Variants in ZNF423 observed in about 807,000 individuals in gnomAD.
ZNF423 encodes the protein zinc finger protein 423.
In ZNF423, 12 loss-of-function variants were observed where a neutral mutation model predicts 95.8. The ratio of observed to expected loss-of-function variants is 0.13; its 90% CI spans 0.08 to 0.20. The LOEUF (loss-of-function observed/expected upper bound fraction) is 0.20, where lower values mean the gene tolerates loss of function less well. Ranked by LOEUF, ZNF423 falls within the 10% of genes least tolerant of loss-of-function variation. ZNF423 has a pLI of 1.00. For missense variants in ZNF423, 1,316 were observed against 1,737.1 expected (o/e 0.76, Z 4.31); for synonymous variants, 749 against 711.9 (o/e 1.05, Z -0.83).
intron 5 of ZNF423, among the ~76,000 whole-genome samples, chr16:49,607,109 A>G (rs1971563531): frequency 7.0e-6 from 1 of 143,028 alleles, no homozygotes. Flanking sequence ...TTGACAGTTG[A>G]GAGAGTCAGA....
chr16:49,639,191 G>T lies in ZNF423; in HGVS notation c.302-317C>A, dbSNP rs187935760. 3.1e-3 allele frequency among the ~76,000 whole-genome samples: 476 copies of T among 152,276 alleles called. 11 individuals carry two copies. The highest frequency in any genetic ancestry group is 7.2e-4 in the Non-Finnish European group (49 of 68,030). Reference sequence around the variant, plus strand: ...CCACTTTCCTGATAGGGAAAGGAGGGGCAGCCTGGACAAAGTCACTGGAAA... The same window carrying T: ...CCACTTTCCTGATAGGGAAAGGAGGTGCAGCCTGGACAAAGTCACTGGAAA... On this transcript the variant is annotated intron_variant, in intron 3 of 7. Transcript: ENST00000563137.
Position 49,604,453 on chromosome 16 carries a change from C to T in ZNF423, c.3601+21717G>A, listed in dbSNP as rs553338916. 3.3e-5 allele frequency among the ~76,000 whole-genome samples: 5 copies of T among 152,178 alleles called. No individual in the cohort carries two copies. In the South Asian group the frequency reaches 6.2e-4, roughly 19 times the overall value. Reference sequence around the variant, plus strand: ...ACCCCATCTAGTTGGCCCACGGGCACCTGCCTTGAACACGCTGCCACACTG... The same window carrying T: ...ACCCCATCTAGTTGGCCCACGGGCATCTGCCTTGAACACGCTGCCACACTG... On this transcript the variant is annotated intron_variant, in intron 5 of 7. Transcript: ENST00000563137.
intron 5 of ZNF423, among the ~76,000 whole-genome samples, chr16:49,613,565 C>T (rs1971789696): frequency 6.6e-6 from 1 of 152,170 alleles, no homozygotes; most frequent in Non-Finnish European, 1.5e-5. Context: ...TGGCCTATGC[C>T]TGTAGTCCTA....
At chr16:49,751,714 G>A (rs569917096) in intron 2 of ZNF423, among the ~76,000 whole-genome samples, 2 of 152,282 alleles carry the variant, frequency 1.3e-5, no homozygotes, top group South Asian at 2.1e-4. Context: ...ACCCATGCTG[G>A]GCTTCTGAGT....
chr16:49,815,881 A>AAATATATATAT (rs1185501557), intron 1 of ZNF423, among the ~76,000 whole-genome samples: 6 of 47,586 alleles, frequency 1.3e-4, no homozygotes, highest in African/African-American at 5.9e-4. Context: ...AAAAAAAAAA[A>AAATATATATAT]ATATATATAT....
At chr16:49,699,861 C>G (rs1409650172) in intron 3 of ZNF423, among the ~76,000 whole-genome samples, 1 of 152,152 alleles carries the variant, frequency 6.6e-6, no homozygotes, top group Non-Finnish European at 1.5e-5. Context: ...CCCACTGACC[C>G]TGAGGCCAAG....
intron 5 of ZNF423, among the ~76,000 whole-genome samples, chr16:49,595,114 G>A (rs879100893): frequency 2.0e-5 from 3 of 152,186 alleles, no homozygotes; most frequent in Admixed American, 6.5e-5. Flanking sequence ...AGCTAAAGGC[G>A]GGAGGGCAGG....
At chr16:49,516,086 A>G (rs1454340019) in intron 7 of ZNF423, among the ~76,000 whole-genome samples, 1 of 152,206 alleles carries the variant, frequency 6.6e-6, no homozygotes, top group Non-Finnish European at 1.5e-5. Context: ...GGGTCCTAAG[A>G]AAAGAGCCCA....
At chr16:49,577,088 G>T (rs1345325328) in intron 5 of ZNF423, among the ~76,000 whole-genome samples, 1 of 152,136 alleles carries the variant, frequency 6.6e-6, no homozygotes, top group Non-Finnish European at 1.5e-5. Context: ...AGTAAGGTTG[G>T]GTGTCCAACC....
chr16:49,853,065 G>A (rs998000593), intron 1 of ZNF423, among the ~76,000 whole-genome samples: 3 of 152,174 alleles, frequency 2.0e-5, no homozygotes, highest in Non-Finnish European at 2.9e-5. Context: ...ACAGTCAAGC[G>A]ACTTTCACAG....
chr16:49,845,120 G>T (rs1365320749), intron 1 of ZNF423, among the ~76,000 whole-genome samples: 1 of 147,732 alleles, frequency 6.8e-6, no homozygotes. Context: ...TTGTTTGTTT[G>T]TGTTTTTTGG....
At chr16:49,742,684 T>C (rs2143504076) in intron 2 of ZNF423, among the ~76,000 whole-genome samples, 1 of 152,216 alleles carries the variant, frequency 6.6e-6, no homozygotes, top group South Asian at 2.1e-4. Context: ...GGGAGCTCGA[T>C]AAATCCAGCT....
chr16:49,690,304 G>A lies in ZNF423; in HGVS notation c.301+40467C>T, dbSNP rs2031729186. ...CCAAATCACTGGGAGGCCGAGGCAG[G>A]AGGATCACTTGGGGCCAGGAGTTTG... On this transcript the variant is annotated intron_variant, in intron 3 of 7. Transcript: ENST00000563137. Among the ~76,000 whole-genome samples, 3 of 152,206 alleles carry A rather than the reference G, an allele frequency of 2.0e-5. No individual in the cohort carries two copies. In the South Asian group the frequency reaches 6.2e-4, roughly 32 times the overall value.
intron 5 of ZNF423, among the ~76,000 whole-genome samples, chr16:49,581,408 G>A (rs976111103): frequency 1.3e-5 from 2 of 152,270 alleles, no homozygotes; most frequent in South Asian, 2.1e-4. Context: ...GAAATTACAC[G>A]AATGAAGTCT....
chr16:49,683,427 G>T (rs2031444597), intron 3 of ZNF423, among the ~76,000 whole-genome samples: 1 of 152,118 alleles, frequency 6.6e-6, no homozygotes, highest in Non-Finnish European at 1.5e-5. Flanking sequence ...CAAATTTCAG[G>T]ATGTGGGCGG....
chr16:49,529,257 C>T (rs531387049), intron 5 of ZNF423, among the ~76,000 whole-genome samples: 1 of 151,922 alleles, frequency 6.6e-6, no homozygotes, highest in East Asian at 1.9e-4. Flanking sequence ...CAGATCTTGC[C>T]TCCTGTTCCC....
chr16:49,500,440 C>A (rs1399589515), intron 7 of ZNF423, among the ~76,000 whole-genome samples: 1 of 152,178 alleles, frequency 6.6e-6, no homozygotes, highest in Non-Finnish European at 1.5e-5. Context: ...TGAAACCAGG[C>A]CCCCGTGGGA....
intron 5 of ZNF423, among the ~76,000 whole-genome samples, chr16:49,533,083 T>C (rs1012639609): frequency 6.6e-6 from 1 of 152,194 alleles, no homozygotes; most frequent in African/African-American, 2.4e-5. Context: ...TTCCAGCATC[T>C]GGTCCAGGCC....
intron 2 of ZNF423, among the ~76,000 whole-genome samples, chr16:49,757,701 G>A (rs2143615729): frequency 6.6e-6 from 1 of 152,274 alleles, no homozygotes; most frequent in East Asian, 1.9e-4. Flanking sequence ...ATACACCCCT[G>A]TCATCAATTC....
Sources: allele counts gnomAD v4.1 joint callset (sites outside exome capture counted in the v4.1 genomes callset), GRCh38; gene constraint gnomAD v4.1.1; transcripts MANE v1.5; gene names NCBI Gene and HGNC (gene_info 2026-07-23, HGNC 2026-07-21).